The following MINDY4 variants were observed in gnomAD, a reference collection of about 807,000 sequenced individuals.
MINDY4 encodes the protein probable ubiquitin carboxyl-terminal hydrolase MINDY-4.
Under a neutral mutation model 87.0 loss-of-function variants are expected in MINDY4, and 68 were observed. That is an observed-to-expected ratio of 0.78 (90% CI 0.64 to 0.96). The LOEUF (loss-of-function observed/expected upper bound fraction) is 0.96, where lower values mean the gene tolerates loss of function less well. Ranked by LOEUF, MINDY4 falls within the 40% of genes least tolerant of loss-of-function variation. The pLI is 0.00. For synonymous variants in MINDY4, 379 were observed against 363.2 expected, an observed-to-expected ratio of 1.04 and a Z score of -0.50; for missense variants, 919 against 928.2, an observed-to-expected ratio of 0.99 and a Z score of 0.13.
chr7:30,795,540 C>T (rs1384906656), intron 5 of MINDY4, among the ~76,000 whole-genome samples: 1 of 152,148 alleles, frequency 6.6e-6, no homozygotes, highest in Non-Finnish European at 1.5e-5. Flanking sequence ...GTCACACAGG[C>T]CATCAGGGTC....
intron 7 of MINDY4, among the ~76,000 whole-genome samples, chr7:30,838,973 G>A (rs1479760687): frequency 6.6e-6 from 1 of 152,198 alleles, no homozygotes; most frequent in Non-Finnish European, 1.5e-5. Flanking sequence ...GCACAGGCTA[G>A]CTTGGTTTAA....
Position 30,859,319 on chromosome 7 carries a change from A to G in MINDY4, c.1740A>G (p.Thr580=), listed in dbSNP as rs768231626. Residue 580 remains threonine, a synonymous_variant, in exon 13 of 18, where the codon ACA becomes ACG. Transcript: ENST00000265299. ...TTTCTGCCATCCTGTCCAGGTCTAC[A>G]GAGCTGTGAGTATCTTTCTCCCTCA... ...LTLSAILSRS[T]ELIRQDFDVP... is the part of the protein sequence containing the mutation. The G allele has an allele frequency of 2.5e-6, 4 of 1,614,002 alleles. No individual in the cohort carries two copies.
intron 17 of MINDY4, among the ~76,000 whole-genome samples, chr7:30,888,689 G>A (rs769080059): frequency 6.6e-6 from 1 of 152,220 alleles, no homozygotes; most frequent in Non-Finnish European, 1.5e-5. Flanking sequence ...CACAACATGC[G>A]TCATGGCTCA....
chr7:30,808,989 GGAAAAAGA>G (rs1275055666), intron 5 of MINDY4, among the ~76,000 whole-genome samples: 4 of 149,832 alleles, frequency 2.7e-5, no homozygotes, highest in Admixed American at 6.7e-5. Flanking sequence ...AATGGGAAAA[GGAAAAAGA>G]GAAAAAGAGA....
chr7:30,801,010 G>C (rs774697131), intron 5 of MINDY4, among the ~76,000 whole-genome samples: 12 of 152,322 alleles, frequency 7.9e-5, no homozygotes, highest in Non-Finnish European at 1.6e-4. Context: ...AAGCAGTCCA[G>C]GGGGAGAGAG....
chr7:30,888,090 T>C (rs1190847505), intron 17 of MINDY4, among the ~76,000 whole-genome samples: 1 of 152,210 alleles, frequency 6.6e-6, no homozygotes, highest in African/African-American at 2.4e-5. Flanking sequence ...AGGCACCTTT[T>C]TCCCCATGAA....
rs567371286 is a variant in MINDY4 at position 30,863,123 on chromosome 7, G to A, written c.1745+3799G>A. ...ACCTCGGGACCAGATGATCGCCGAG[G>A]GCCTTCCTGTTCTGGGGTTCACATT... On this transcript the variant is annotated intron_variant, in intron 13 of 17. Transcript: ENST00000265299. Among the ~76,000 whole-genome samples the A allele has an allele frequency of 2.0e-5, 3 of 152,248 alleles. No homozygotes were observed. In the South Asian group the frequency reaches 6.2e-4, roughly 32 times the overall value.
At chr7:30,877,420 C>A (rs1345286227) in intron 15 of MINDY4, among the ~76,000 whole-genome samples, 1 of 152,206 alleles carries the variant, frequency 6.6e-6, no homozygotes, top group Non-Finnish European at 1.5e-5. Context: ...CAACCATCTC[C>A]CCTCCTCGTG....
intron 17 of MINDY4, among the ~76,000 whole-genome samples, chr7:30,890,594 A>G (rs1049066106): frequency 6.6e-6 from 1 of 152,254 alleles, no homozygotes; most frequent in Non-Finnish European, 1.5e-5. Context: ...TAGTCTTTAC[A>G]GATACCAAGA....
At chr7:30,860,939 A>G (rs1789740845) in intron 13 of MINDY4, among the ~76,000 whole-genome samples, 1 of 152,168 alleles carries the variant, frequency 6.6e-6, no homozygotes, top group Admixed American at 6.5e-5. Context: ...CTGCCAACAC[A>G]CATACACAAA....
At chr7:30,865,146 G>A (rs1013510746) in intron 13 of MINDY4, among the ~76,000 whole-genome samples, 11 of 152,178 alleles carry the variant, frequency 7.2e-5, no homozygotes, top group African/African-American at 1.2e-4. Context: ...ATGGGCTCCC[G>A]TCTCTGCACC....
At position 30,791,225 on chromosome 7, in the gene MINDY4, C is replaced by G; in HGVS notation, c.724C>G (p.Gln242Glu). 6.2e-7 allele frequency: 1 copy of G among 1,614,142 alleles called. No homozygotes were observed. The highest frequency in any genetic ancestry group is 2.2e-5 in the East Asian group (1 of 44,870). ...SSPSSSSTQP[Q>E]EESRKVPELF... The stretch of plus-strand genomic sequence containing the variant: ...ACCGTCAAGCAGCTCCACCCAACCC[C>G]AAGAAGAGAGCCGGAAGGTCCCTGA... The change falls in exon 5 of 18, where the codon CAA becomes GAA. Residue 242 changes from glutamine to glutamate, a missense_variant. By Grantham distance (29) the Gln-to-Glu change is conservative. Transcript: ENST00000265299.
chr7:30,879,726 CCTT>C (rs986734952), intron 15 of MINDY4, among the ~76,000 whole-genome samples: 1 of 152,224 alleles, frequency 6.6e-6, no homozygotes, highest in Admixed American at 6.5e-5. Context: ...AGTAGGGGGT[CCTT>C]CTCATTGTCC....
In MINDY4 at chr7:30,791,472, G is replaced by A. The variant is rs35897481; in HGVS notation, c.971G>A (p.Arg324Lys). 154,420 of 1,613,844 alleles carry A rather than the reference G, an allele frequency of 0.096. 9,048 individuals carry two copies. The highest frequency in any genetic ancestry group is 0.22 in the South Asian group (19,607 of 91,048). Residue 324 changes from arginine (R) to lysine (K), a missense_variant, in exon 5 of 18, where the codon AGG becomes AAG. Physicochemically the swap from Arg to Lys is conservative, Grantham distance 26 (BLOSUM62 2). Coordinates refer to ENST00000265299, the MANE Select transcript of MINDY4 (RefSeq NM_032222.3). ...PAVDGSTDTD[R>K]MPLKLYLPGG... ...GTGGACGGCAGCACAGACACGGACA[G>A]GATGCCCTTGAAGCTCTACTTGCCT...
At chr7:30,870,168 C>T (rs1025003042) in intron 13 of MINDY4, among the ~76,000 whole-genome samples, 1 of 152,178 alleles carries the variant, frequency 6.6e-6, no homozygotes, top group Non-Finnish European at 1.5e-5. Context: ...TCCCATTGTC[C>T]TTTCTGCCTG....
intron 5 of MINDY4, among the ~76,000 whole-genome samples, chr7:30,822,573 C>T (rs1409504456): frequency 6.6e-6 from 1 of 151,814 alleles, no homozygotes; most frequent in Non-Finnish European, 1.5e-5. Flanking sequence ...TATTTTTTTT[C>T]AATCCAGGAT....
rs534088196 is a variant in MINDY4, at chr7:30,818,295, G to T, written c.1074-10384G>T. On this transcript the variant is annotated intron_variant, in intron 5 of 17. Coordinates refer to ENST00000265299, the MANE Select transcript of MINDY4 (RefSeq NM_032222.3). Reference sequence around the variant, plus strand: ...GGTCATAATTTCTCTCAAACTCATGGCTGATACAGTTGTCTATTTTATTTT... The same window carrying T: ...GGTCATAATTTCTCTCAAACTCATGTCTGATACAGTTGTCTATTTTATTTT... Among the ~76,000 whole-genome samples, 6 of 152,172 alleles carry T rather than the reference G, an allele frequency of 3.9e-5. No homozygotes were observed. In the South Asian group the frequency reaches 1.0e-3, roughly 26 times the overall value.
chr7:30,870,636 T>C (rs2128578018), intron 13 of MINDY4, among the ~76,000 whole-genome samples: 1 of 152,326 alleles, frequency 6.6e-6, no homozygotes, highest in East Asian at 1.9e-4. Flanking sequence ...CCCCAAGTAT[T>C]GTGGAGCTGG....
chr7:30,781,928 C>G, intron 2 of MINDY4, 49 bp from the exon 3 acceptor site: 1 of 1,324,726 alleles, frequency 7.5e-7, no homozygotes, highest in Non-Finnish European at 1.1e-6. Flanking sequence ...TCCACTCTTC[C>G]CTGAAGCTGT....
Sources: allele counts gnomAD v4.1 joint callset (sites outside exome capture counted in the v4.1 genomes callset), GRCh38; gene constraint gnomAD v4.1.1; transcripts MANE v1.5; gene names NCBI Gene and HGNC (gene_info 2026-07-23, HGNC 2026-07-21).